DCAF10: variants seen among roughly 807,000 people sequenced by gnomAD.
The protein encoded by DCAF10 is DDB1- and CUL4-associated factor 10.
In DCAF10, 19 loss-of-function variants were observed where a neutral mutation model predicts 51.9. The ratio of observed to expected loss-of-function variants is 0.37; its 90% CI spans 0.26 to 0.54. The LOEUF is 0.54. Ranked by LOEUF, DCAF10 falls within the 20% of genes least tolerant of loss-of-function variation. The pLI, the probability that DCAF10 is intolerant of heterozygous loss-of-function variation, is 0.87. For missense variants in DCAF10, 510 were observed against 730.6 expected (o/e 0.70, Z 3.48); for synonymous variants, 291 against 297.1 (o/e 0.98, Z 0.21).
At position 37,842,304 on chromosome 9, in the gene DCAF10, C is replaced by A. The variant is rs771409121; in HGVS notation, c.851+18C>A. 2 of 1,605,106 alleles carry A rather than the reference C, an allele frequency of 1.2e-6. No homozygotes were observed. The highest frequency in any genetic ancestry group is 2.2e-5 in the South Asian group (2 of 89,724). ...ACTAACAGGTTTGTGAATAGGAGAC[C>A]ATGTTAGGATTATGAACAAAAACAT... On this transcript the variant is annotated intron_variant, in intron 3 of 6. Coordinates refer to ENST00000377724, the MANE Select transcript of DCAF10 (RefSeq NM_024345.5).
rs555983041 is a variant in DCAF10, at chr9:37,837,457, CAAA to C, written c.654-4616_654-4614del. On this transcript the variant is annotated intron_variant, in intron 2 of 6. Coordinates refer to ENST00000377724, the MANE Select transcript of DCAF10 (RefSeq NM_024345.5). ...CTGGCAACAGAGCGAGACTCCATCT[CAAA>C]AAAAAAAAAAAAAAAGAAAAGAAAA... 3.0e-3 allele frequency among the ~76,000 whole-genome samples: 261 copies of C among 85,690 alleles called. 2 individuals are homozygous for C. Among genetic ancestry groups the C allele is most frequent in the African/African-American group, 7.2e-3 (198 of 27,332 alleles). The allele number at this position is 85,690 out of a possible 152,430, so 56.2% of individuals were successfully genotyped here.
intron 2 of DCAF10, among the ~76,000 whole-genome samples, chr9:37,826,895 G>A (rs190262889): frequency 4.2e-5 from 6 of 143,590 alleles, no homozygotes; most frequent in South Asian, 4.3e-4. Flanking sequence ...GCGCGATCTC[G>A]GCTCACCACA....
Position 37,852,171 on chromosome 9 carries a change from A to G in DCAF10, c.852-2609A>G, listed in dbSNP as rs181274557. Among the ~76,000 whole-genome samples the G allele has an allele frequency of 1.3e-3, 199 of 152,248 alleles. 1 individual carries two copies. The highest frequency in any genetic ancestry group is 4.6e-3 in the African/African-American group (192 of 41,478). On this transcript the variant is annotated intron_variant, in intron 3 of 6. Coordinates refer to ENST00000377724, the MANE Select transcript of DCAF10 (RefSeq NM_024345.5). ...AGGGGGGAAAAAAGATAAATTACGC[A>G]AAGTAATAGTCAGACTAATAGCAGA... is the stretch of plus-strand genomic sequence containing the variant.
chr9:37,819,191 T>C (rs1829633780), intron 1 of DCAF10, 97 bp from the exon 2 acceptor site: 1 of 919,558 alleles, frequency 1.1e-6, no homozygotes, highest in East Asian at 2.7e-5. Context: ...AAAAAAAAAG[T>C]TATTTACCTA....
chr9:37,857,428 C>A lies in DCAF10; in HGVS notation c.1165+77C>A, dbSNP rs146420371. 6.3e-4 allele frequency: 685 copies of A among 1,084,614 alleles called. 2 individuals carry two copies. In the African/African-American group the frequency reaches 9.9e-3, roughly 16 times the overall value. 67.2% of individuals were successfully genotyped at this position (1,084,614 alleles called of 1,614,324 possible). ...TGATTAATTATTGATTGATTAAAAC[C>A]AGTTTTATGGTTTTAATCCATAAAA... On this transcript the variant is annotated intron_variant, in intron 5 of 6. Coordinates refer to ENST00000377724, the MANE Select transcript of DCAF10 (RefSeq NM_024345.5).
chr9:37,801,739 T>A lies in DCAF10; in HGVS notation c.539+334T>A, dbSNP rs370777058. On this transcript the variant is annotated intron_variant, in intron 1 of 6. Transcript: ENST00000377724. The surrounding 1 kb of genome is among the most constrained non-coding windows in gnomAD (Gnocchi z 5.5). ...ACAGTAGGTGCTCAGTAAATACATT[T>A]TGAATAAATGCCCGCTTTCTCCCCA... is the stretch of plus-strand genomic sequence containing the variant. Among the ~76,000 whole-genome samples the A allele has an allele frequency of 8.5e-5, 13 of 152,280 alleles. No homozygotes were observed. In the Middle Eastern group the frequency reaches 0.017, roughly 199 times the overall value.
chr9:37,860,290 G>A, intron 6 of DCAF10, 97 bp downstream of exon 6: 3 of 1,473,002 alleles, frequency 2.0e-6, no homozygotes, highest in Non-Finnish European at 2.8e-6. Flanking sequence ...TGCAGTCTCT[G>A]CCTTCAAGGG....
chr9:37,840,607 T>A (rs1453000096), intron 2 of DCAF10, among the ~76,000 whole-genome samples: 2 of 152,336 alleles, frequency 1.3e-5, no homozygotes, highest in East Asian at 3.9e-4. Context: ...GTTTAAAAAA[T>A]TAAAAATTCA....
At chr9:37,856,144 C>A (rs1014761749) in intron 4 of DCAF10, among the ~76,000 whole-genome samples, 2 of 152,012 alleles carry the variant, frequency 1.3e-5, no homozygotes, top group East Asian at 3.9e-4. Flanking sequence ...CAGAGAAAGA[C>A]CCTGTGTCCA....
chr9:37,825,757 G>A (rs1296384784), intron 2 of DCAF10, among the ~76,000 whole-genome samples: 1 of 152,170 alleles, frequency 6.6e-6, no homozygotes, highest in African/African-American at 2.4e-5. Flanking sequence ...AGTGGCTTAT[G>A]CCTGTAATCC....
chr9:37,835,453 C>T (rs1029577520), intron 2 of DCAF10, among the ~76,000 whole-genome samples: 15 of 152,048 alleles, frequency 9.9e-5, no homozygotes, highest in African/African-American at 3.6e-4. Flanking sequence ...ATGGTGGGCG[C>T]CTGTAATCCC....
intron 2 of DCAF10, among the ~76,000 whole-genome samples, chr9:37,821,717 G>T (rs767654499): frequency 1.3e-5 from 2 of 152,080 alleles, no homozygotes; most frequent in Admixed American, 1.3e-4. Flanking sequence ...AGGATTTCAT[G>T]ACCAAAACCC....
chr9:37,801,115 C>G lies in DCAF10; in HGVS notation c.249C>G (p.Ser83=). 1 of 1,535,498 alleles carries G rather than the reference C, an allele frequency of 6.5e-7. No individual in the cohort carries two copies. Among genetic ancestry groups the G allele is most frequent in the Admixed American group, 2.0e-5 (1 of 50,626 alleles). Residue 83 remains serine, a synonymous_variant, in exon 1 of 7, where the codon TCC becomes TCG. Transcript: ENST00000377724. The surrounding 1 kb of genome is among the most constrained non-coding windows in gnomAD (Gnocchi z 5.5). ...GAGCTCCGGAGTCCTCAACTGCCTC[C>G]GCCCCGGGAGAGCCGTCACCTCCCT... is the stretch of plus-strand genomic sequence containing the variant. ...LPGAPESSTA[S]APGEPSPPSP... is the part of the protein sequence containing the mutation.
intron 1 of DCAF10, among the ~76,000 whole-genome samples, chr9:37,805,851 A>T (rs1370401021): frequency 6.6e-6 from 1 of 152,178 alleles, no homozygotes; most frequent in Non-Finnish European, 1.5e-5. Flanking sequence ...TTGGGAAGCC[A>T]AGGCAGGTGG....
intron 1 of DCAF10, among the ~76,000 whole-genome samples, chr9:37,810,961 T>C (rs1829327817): frequency 6.6e-6 from 1 of 152,112 alleles, no homozygotes; most frequent in Non-Finnish European, 1.5e-5. Flanking sequence ...CCTACGTAGA[T>C]TAAGAAGACC....
upstream of DCAF10, chr9:37,800,778 G>A (rs571906863): frequency 1.5e-3 from 2,300 of 1,521,318 alleles, 9 homozygotes; most frequent in Middle Eastern, 1.4e-3. Flanking sequence ...GGGTTAGGCC[G>A]CTGCACGCCG....
In DCAF10 at chr9:37,847,442, C is replaced by T. The variant is rs1205663235; in HGVS notation, c.851+5156C>T. Reference sequence around the variant, plus strand: ...ACTCCCAAAATCAGTTAATGTAATACATTATACTAATAAAGGTCAAAACCC... The same window carrying T: ...ACTCCCAAAATCAGTTAATGTAATATATTATACTAATAAAGGTCAAAACCC... On this transcript the variant is annotated intron_variant, in intron 3 of 6. Transcript: ENST00000377724. 2.0e-5 allele frequency among the ~76,000 whole-genome samples: 3 copies of T among 151,920 alleles called. No homozygotes were observed. In the East Asian group the frequency reaches 5.8e-4, roughly 29 times the overall value.
At chr9:37,850,868 ATATATATATATAT>A (rs1564048880) in intron 3 of DCAF10, among the ~76,000 whole-genome samples, 64 of 82,036 alleles carry the variant, frequency 7.8e-4, no homozygotes, top group Admixed American at 1.7e-3. Flanking sequence ...ATATATATAT[ATATATATATATAT>A]AAATTAGCTT....
At position 37,810,817 on chromosome 9, in the gene DCAF10, G is replaced by T. The variant is rs545798123; in HGVS notation, c.540-8471G>T. On this transcript the variant is annotated intron_variant, in intron 1 of 6. Coordinates refer to ENST00000377724, the MANE Select transcript of DCAF10 (RefSeq NM_024345.5). ...TGGGATAGATGAGATTACAAGAATT[G>T]CAATTTAGGATCCGCAATTTAGGTT... is the stretch of plus-strand genomic sequence containing the variant. 2.0e-5 allele frequency among the ~76,000 whole-genome samples: 3 copies of T among 152,148 alleles called. No homozygotes were observed. In the East Asian group the frequency reaches 5.8e-4, roughly 29 times the overall value.
Sources: allele counts gnomAD v4.1 joint callset (sites outside exome capture counted in the v4.1 genomes callset), GRCh38; gene constraint gnomAD v4.1.1; non-coding constraint Gnocchi (gnomAD v3.1); transcripts MANE v1.5; gene names NCBI Gene and HGNC (gene_info 2026-07-23, HGNC 2026-07-21).